The following GNAL variants were observed in gnomAD, a reference collection of about 807,000 sequenced individuals.
GNAL encodes the protein G protein subunit alpha L.
GNAL carries 18 observed loss-of-function variants against 55.1 expected under a neutral mutation model. The observed-to-expected ratio is 0.33, with a 90% CI of 0.23 to 0.48. The LOEUF is 0.48. GNAL is among the 20% of genes least tolerant of loss of function. The pLI, the probability that GNAL is intolerant of heterozygous loss-of-function variation, is 0.99. For synonymous variants in GNAL, 253 were observed against 237.0 expected (o/e 1.07, Z -0.62); for missense variants, 412 against 614.1 (o/e 0.67, Z 3.48).
At position 11,884,726 on chromosome 18, in the gene GNAL, C is replaced by T. The variant is rs2036924727; in HGVS notation, c.*3591C>T. 1 of 1,394,962 alleles carries T rather than the reference C, an allele frequency of 7.2e-7. No homozygotes were observed. Among genetic ancestry groups the T allele is most frequent in the African/African-American group, 1.4e-5 (1 of 69,976 alleles). 86.4% of individuals were successfully genotyped at this position (1,394,962 alleles called of 1,614,324 possible). On this transcript the variant is annotated 3_prime_UTR_variant, in exon 12 of 12. Transcript: ENST00000334049. Reference sequence around the variant, plus strand: ...AGGGAAGACTGCCTTCTCAGGTCCCCCTCAGGTGAGGCAGGGAACGGGCCC... The same window carrying T: ...AGGGAAGACTGCCTTCTCAGGTCCCTCTCAGGTGAGGCAGGGAACGGGCCC...
At position 11,689,936 on chromosome 18, in the gene GNAL, C is replaced by G; in HGVS notation, c.373C>G (p.Leu125Val). 7.4e-7 allele frequency: 1 copy of G among 1,359,482 alleles called. No homozygotes were observed. The highest frequency in any genetic ancestry group is 9.5e-7 in the Non-Finnish European group (1 of 1,051,870). The allele number at this position is 1,359,482 out of a possible 1,614,324, so 84.2% of individuals were successfully genotyped here. A position where few individuals can be genotyped will look rare whatever the true frequency, so the allele number is the denominator to read the frequency against. The change falls in exon 1 of 12, where the codon CTC becomes GTC. Residue 125 changes from leucine (L) to valine (V), a missense_variant. Physicochemically the swap from Leu to Val is conservative, Grantham distance 32. Coordinates refer to ENST00000334049, the MANE Select transcript of GNAL (RefSeq NM_182978.4). ...DLQQTHRLLLLGAGESGKSTI... is the reference protein window; with the variant it reads ...DLQQTHRLLLVGAGESGKSTI... Reference sequence around the variant, plus strand: ...GCAGCAGACGCACCGGCTCCTGCTGCTCGGTAGGTCCCGGCCGCGAGGTCG... The same window carrying G: ...GCAGCAGACGCACCGGCTCCTGCTGGTCGGTAGGTCCCGGCCGCGAGGTCG...
chr18:11,807,915 AATG>A (rs1368342190), intron 4 of GNAL, among the ~76,000 whole-genome samples: 7 of 152,038 alleles, frequency 4.6e-5, no homozygotes, highest in African/African-American at 1.4e-4. Flanking sequence ...GTCAGGTGCT[AATG>A]ATGAGCCAGG....
At chr18:11,849,229 C>T (rs116319539) in intron 5 of GNAL, among the ~76,000 whole-genome samples, 1,899 of 152,224 alleles carry the variant, frequency 0.012, 38 homozygotes, top group African/African-American at 0.044. Context: ...GGGCTGGGCA[C>T]GGTGGCCCAC....
chr18:11,832,452 TTG>T (rs2035405565), intron 5 of GNAL, among the ~76,000 whole-genome samples: 1 of 152,254 alleles, frequency 6.6e-6, no homozygotes, highest in African/African-American at 2.4e-5. Context: ...TGGCACTGAT[TTG>T]ATCCTATGGC....
chr18:11,764,020 T>G (rs1262154266), intron 4 of GNAL, among the ~76,000 whole-genome samples: 1 of 152,246 alleles, frequency 6.6e-6, no homozygotes. Flanking sequence ...TGGGGTCTGC[T>G]TCTATATAGA....
At chr18:11,739,527 C>T (rs143277812) in intron 1 of GNAL, among the ~76,000 whole-genome samples, 49 of 152,332 alleles carry the variant, frequency 3.2e-4, no homozygotes, top group African/African-American at 1.1e-3. Context: ...GCAGTTTCAT[C>T]GGTCGGCCCC....
At chr18:11,758,959 G>T (rs184308192) in intron 4 of GNAL, among the ~76,000 whole-genome samples, 1 of 151,880 alleles carries the variant, frequency 6.6e-6, no homozygotes, top group South Asian at 2.1e-4. Context: ...AATCACCTGA[G>T]GTCAGGAGTT....
intron 4 of GNAL, among the ~76,000 whole-genome samples, chr18:11,802,867 C>T (rs536866833): frequency 2.3e-3 from 349 of 152,034 alleles, no homozygotes; most frequent in African/African-American, 7.9e-3. Flanking sequence ...GGGAAGGGCA[C>T]GGCAGTGGCC....
At chr18:11,849,736 G>A (rs558829695) in intron 5 of GNAL, among the ~76,000 whole-genome samples, 2 of 152,166 alleles carry the variant, frequency 1.3e-5, no homozygotes, top group South Asian at 4.2e-4. Flanking sequence ...AGTTTCATTT[G>A]GAAAAAGGGT....
chr18:11,822,824 T>TC (rs70964149), intron 4 of GNAL, among the ~76,000 whole-genome samples: 2 of 92,046 alleles, frequency 2.2e-5, no homozygotes, highest in Non-Finnish European at 4.9e-5. Flanking sequence ...TTTTTTCTTT[T>TC]TTTTTTTTTT....
rs9965688 is a variant in GNAL at position 11,736,904 on chromosome 18, T to C, written c.377-15949T>C. Among the ~76,000 whole-genome samples, 1,492 of 152,314 alleles carry C rather than the reference T, an allele frequency of 9.8e-3. 21 individuals carry two copies. The highest frequency in any genetic ancestry group is 0.034 in the African/African-American group (1,415 of 41,554). Reference sequence around the variant, plus strand: ...ATACCTATGGACAAGGGCATACTGGTTCCAGCTTACTTTCAAATGGTTCAG... The same window carrying C: ...ATACCTATGGACAAGGGCATACTGGCTCCAGCTTACTTTCAAATGGTTCAG... On this transcript the variant is annotated intron_variant, in intron 1 of 11. Coordinates refer to ENST00000334049, the MANE Select transcript of GNAL (RefSeq NM_182978.4).
At chr18:11,731,465 A>C (rs1040121383) in intron 1 of GNAL, among the ~76,000 whole-genome samples, 1 of 152,154 alleles carries the variant, frequency 6.6e-6, no homozygotes, top group African/African-American at 2.4e-5. Context: ...TCAGTTTTTA[A>C]GGTTTTTCTG....
At chr18:11,844,117 A>G (rs975101707) in intron 5 of GNAL, among the ~76,000 whole-genome samples, 2 of 152,032 alleles carry the variant, frequency 1.3e-5, no homozygotes, top group African/African-American at 4.8e-5. Flanking sequence ...GGGTTAGACT[A>G]GAATTGAAGG....
intron 1 of GNAL, among the ~76,000 whole-genome samples, chr18:11,730,666 A>C (rs1488008224): frequency 6.6e-6 from 1 of 152,066 alleles, no homozygotes; most frequent in Non-Finnish European, 1.5e-5. Context: ...AAGGAGGCTG[A>C]AGCAGGAAAA....
intron 1 of GNAL, among the ~76,000 whole-genome samples, chr18:11,715,093 C>T (rs1376920336): frequency 6.6e-6 from 1 of 151,580 alleles, no homozygotes; most frequent in African/African-American, 2.4e-5. Context: ...TGCAGTGAGC[C>T]ATGATGGTGC....
chr18:11,739,699 T>C (rs2032535311), intron 1 of GNAL, among the ~76,000 whole-genome samples: 1 of 151,796 alleles, frequency 6.6e-6, no homozygotes, highest in Non-Finnish European at 1.5e-5. Context: ...ATTCAGGAAA[T>C]ACCTTTCTGG....
chr18:11,724,719 G>A (rs1391684818), intron 1 of GNAL, among the ~76,000 whole-genome samples: 3 of 152,200 alleles, frequency 2.0e-5, no homozygotes, highest in African/African-American at 7.2e-5. Flanking sequence ...TGATGATGGA[G>A]TGCTGCTGTG....
intron 5 of GNAL, among the ~76,000 whole-genome samples, chr18:11,838,884 A>G (rs1284827745): frequency 6.6e-6 from 1 of 152,248 alleles, no homozygotes; most frequent in Non-Finnish European, 1.5e-5. Context: ...AATCTCTTCT[A>G]AAAGACTATC....
At chr18:11,829,175 C>G (rs1373278117) in intron 5 of GNAL, among the ~76,000 whole-genome samples, 2 of 152,244 alleles carry the variant, frequency 1.3e-5, no homozygotes, top group Non-Finnish European at 2.9e-5. Context: ...GAATAAAACA[C>G]CTTTAGCCAA....
Sources: allele counts gnomAD v4.1 joint callset (sites outside exome capture counted in the v4.1 genomes callset), GRCh38; gene constraint gnomAD v4.1.1; transcripts MANE v1.5; gene names NCBI Gene and HGNC (gene_info 2026-07-23, HGNC 2026-07-21).